The following TRHDE variants were observed in gnomAD, a reference collection of about 807,000 sequenced individuals.
TRHDE encodes the protein thyrotropin-releasing hormone-degrading ectoenzyme.
In TRHDE, 72 loss-of-function variants were observed where a neutral mutation model predicts 125.7. The observed-to-expected ratio is 0.57, with a 90% CI of 0.47 to 0.70. TRHDE has a LOEUF of 0.70. TRHDE is among the 30% of genes least tolerant of loss of function. The pLI is 0.00. For synonymous variants in TRHDE, 509 were observed against 509.1 expected, an observed-to-expected ratio of 1.00 and a Z score of 0.00; for missense variants, 1,110 against 1,327.1, an observed-to-expected ratio of 0.84 and a Z score of 2.54.
intron 3 of TRHDE, among the ~76,000 whole-genome samples, chr12:72,454,042 C>T (rs2135874547): frequency 6.6e-6 from 1 of 152,248 alleles, no homozygotes; most frequent in Middle Eastern, 3.4e-3. Context: ...TACACTTGTT[C>T]TGACTTAGCT....
At chr12:72,400,955 A>G (rs999646479) in intron 3 of TRHDE, among the ~76,000 whole-genome samples, 2 of 152,136 alleles carry the variant, frequency 1.3e-5, no homozygotes, top group Non-Finnish European at 2.9e-5. Flanking sequence ...AATGCACTCC[A>G]ATGTGCTGAG....
intron 2 of TRHDE, among the ~76,000 whole-genome samples, chr12:72,299,461 A>G (rs1565689186): frequency 6.6e-6 from 1 of 152,202 alleles, no homozygotes; most frequent in African/African-American, 2.4e-5. Flanking sequence ...CACTACCCAT[A>G]TGTGCTGTTC....
intron 12 of TRHDE, among the ~76,000 whole-genome samples, chr12:72,593,418 G>GT (rs1210486638): frequency 6.6e-6 from 1 of 151,846 alleles, no homozygotes; most frequent in Non-Finnish European, 1.5e-5. Flanking sequence ...CCTTATGGCA[G>GT]TTTTTTCAGA....
At chr12:72,432,907 G>T (rs934505863) in intron 3 of TRHDE, among the ~76,000 whole-genome samples, 2 of 152,130 alleles carry the variant, frequency 1.3e-5, no homozygotes, top group East Asian at 1.9e-4. Context: ...TTAGGGGAAA[G>T]CATTTCGTCT....
chr12:72,134,266 A>T (rs759025296), intron 2 of TRHDE, among the ~76,000 whole-genome samples: 8 of 152,114 alleles, frequency 5.3e-5, no homozygotes, highest in Non-Finnish European at 8.8e-5. Context: ...GGTCCCTATT[A>T]GGCTTCATCC....
intron 2 of TRHDE, among the ~76,000 whole-genome samples, chr12:72,345,216 A>T (rs12161797): frequency 0.12 from 18,819 of 152,148 alleles, 1,745 homozygotes; most frequent in East Asian, 0.47. Flanking sequence ...CATTTTAAAG[A>T]TTAATTGGTT....
At chr12:72,189,664 C>T (rs1376213178) in intron 2 of TRHDE, among the ~76,000 whole-genome samples, 2 of 152,162 alleles carry the variant, frequency 1.3e-5, no homozygotes, top group East Asian at 3.9e-4. Context: ...ATATTCCCTC[C>T]AAATGCCTCG....
chr12:72,297,992 G>A (rs1276251584), intron 2 of TRHDE, among the ~76,000 whole-genome samples: 1 of 152,150 alleles, frequency 6.6e-6, no homozygotes, highest in Non-Finnish European at 1.5e-5. Flanking sequence ...AATGGAGTAA[G>A]CCTCAGCAAA....
At chr12:72,314,319 T>TCCTC (rs756674118) in intron 2 of TRHDE, among the ~76,000 whole-genome samples, 9 of 150,302 alleles carry the variant, frequency 6.0e-5, no homozygotes, top group South Asian at 2.1e-4. Context: ...TCTCCTCCCT[T>TCCTC]CCTCCCTCCC....
intron 2 of TRHDE, among the ~76,000 whole-genome samples, chr12:72,369,053 AC>A (rs1392287517): frequency 6.6e-6 from 1 of 152,146 alleles, no homozygotes; most frequent in Non-Finnish European, 1.5e-5. Context: ...AAGTGAGATG[AC>A]CAAAGGGGTT....
intron 2 of TRHDE, among the ~76,000 whole-genome samples, chr12:72,217,369 G>A (rs1877914472): frequency 6.6e-6 from 1 of 152,142 alleles, no homozygotes; most frequent in African/African-American, 2.4e-5. Flanking sequence ...GTTAAGGACT[G>A]TTCCTAGTGC....
intron 6 of TRHDE, among the ~76,000 whole-genome samples, chr12:72,508,090 G>C (rs1013678477): frequency 6.6e-5 from 10 of 152,228 alleles, no homozygotes; most frequent in African/African-American, 2.2e-4. Context: ...ATGCCTGGGT[G>C]TCCAGGTGGA....
Position 72,150,203 on chromosome 12 carries a change from A to G in TRHDE, n.279+44451A>G, listed in dbSNP as rs1200881949. 3.3e-5 allele frequency among the ~76,000 whole-genome samples: 5 copies of G among 152,308 alleles called. No homozygotes were observed. The East Asian group carries it at 9.6e-4, about 29-fold the overall frequency. On this transcript the variant is annotated intron_variant and non_coding_transcript_variant, in intron 2 of 4. Transcript: ENST00000548156. ...TGGTTGAAGAATATAAGATAGGCAA[A>G]TATAATAGTAACTGAGTGACAGGGA...
At chr12:72,226,244 C>T (rs1300122031) in intron 2 of TRHDE, among the ~76,000 whole-genome samples, 3 of 152,100 alleles carry the variant, frequency 2.0e-5, no homozygotes, top group Non-Finnish European at 4.4e-5. Context: ...AGTGAGGTTC[C>T]AGAGGTAGAT....
At chr12:72,262,938 G>A (rs926172544) in intron 2 of TRHDE, 4 of 152,146 alleles carry the variant, frequency 2.6e-5, no homozygotes, top group East Asian at 3.9e-4. Flanking sequence ...AAAATCTTTA[G>A]TGCAGTCTCA....
intron 10 of TRHDE, 109 bp from the exon 11 acceptor site, chr12:72,575,146 A>G: frequency 9.7e-7 from 1 of 1,033,772 alleles, no homozygotes; most frequent in Non-Finnish European, 1.4e-6. Context: ...GGTATTTAAG[A>G]TGACATTCAC....
intron 7 of TRHDE, among the ~76,000 whole-genome samples, chr12:72,559,465 C>T (rs1870073511): frequency 6.6e-6 from 1 of 152,128 alleles, no homozygotes; most frequent in Admixed American, 6.5e-5. Context: ...ATACCTCTCT[C>T]CATAGGCAGA....
intron 18 of TRHDE, 120 bp downstream of exon 18, chr12:72,657,128 C>G: frequency 1.6e-6 from 1 of 620,556 alleles, no homozygotes; most frequent in Non-Finnish European, 2.9e-6. Context: ...CACACGCACA[C>G]CACACACACA....
chr12:72,302,908 G>A (rs910056663), intron 2 of TRHDE, among the ~76,000 whole-genome samples: 5 of 152,166 alleles, frequency 3.3e-5, no homozygotes, highest in East Asian at 1.9e-4. Context: ...ATTTAGCAGC[G>A]TTCCTGGCCT....
Sources: gnomAD v4.1 joint callset for allele counts (sites outside exome capture counted in the v4.1 genomes callset) on GRCh38, gnomAD v4.1.1 for gene constraint, MANE v1.5 for transcripts, NCBI Gene and HGNC (gene_info 2026-07-23, HGNC 2026-07-21) for gene names.